ZNF143: variants seen among roughly 807,000 people sequenced by gnomAD.
ZNF143 encodes the protein zinc finger protein 143, also known as SPH-binding factor.
Under a neutral mutation model 74.1 loss-of-function variants are expected in ZNF143, and 49 were observed. The ratio of observed to expected loss-of-function variants is 0.66; its 90% CI spans 0.53 to 0.84. The LOEUF is 0.84. ZNF143 is among the 40% of genes least tolerant of loss of function. ZNF143 has a pLI of 0.00. For missense variants in ZNF143, 637 were observed against 793.4 expected, an observed-to-expected ratio of 0.80 and a Z score of 2.37; for synonymous variants, 304 against 282.8, an observed-to-expected ratio of 1.07 and a Z score of -0.75.
At chr11:9,491,756 A>G (rs1345628569) in intron 7 of ZNF143, among the ~76,000 whole-genome samples, 2 of 152,122 alleles carry the variant, frequency 1.3e-5, no homozygotes, top group Admixed American at 1.3e-4. Flanking sequence ...CAGTCCTCTG[A>G]GTAGCTGGAA....
intron 1 of ZNF143, among the ~76,000 whole-genome samples, chr11:9,467,561 A>ATGGC (rs1275906458): frequency 4.6e-5 from 7 of 152,134 alleles, no homozygotes; most frequent in African/African-American, 1.7e-4. Context: ...GGTGAAAATC[A>ATGGC]TGGCTGGCTG....
intron 14 of ZNF143, among the ~76,000 whole-genome samples, chr11:9,522,265 A>T (rs926813011): frequency 6.6e-6 from 1 of 152,134 alleles, no homozygotes; most frequent in Non-Finnish European, 1.5e-5. Context: ...GCACTTTGGG[A>T]GGCTGAGGCA....
chr11:9,489,268 C>T (rs543006189), intron 7 of ZNF143, among the ~76,000 whole-genome samples: 2 of 152,262 alleles, frequency 1.3e-5, no homozygotes, highest in East Asian at 3.9e-4. Context: ...TTATAATTCT[C>T]TTAGCATGCC....
intron 7 of ZNF143, among the ~76,000 whole-genome samples, chr11:9,486,919 C>T (rs1230024523): frequency 1.5e-4 from 22 of 149,554 alleles, no homozygotes; most frequent in African/African-American, 5.3e-4. Flanking sequence ...CCACCTGCCT[C>T]AGCCTCCCAA....
chr11:9,502,133 T>C (rs1325496604), intron 11 of ZNF143, among the ~76,000 whole-genome samples: 2 of 149,526 alleles, frequency 1.3e-5, no homozygotes, highest in African/African-American at 4.9e-5. Context: ...ACGGGGTTTC[T>C]CCATGTTGGT....
chr11:9,527,211 A>G (rs576223816), intron 15 of ZNF143, among the ~76,000 whole-genome samples: 10 of 152,302 alleles, frequency 6.6e-5, no homozygotes, highest in Non-Finnish European at 1.0e-4. Context: ...GGCTCAAGCA[A>G]TCTGCCTGCC....
intron 1 of ZNF143, among the ~76,000 whole-genome samples, chr11:9,466,244 G>A (rs61876793): frequency 3.5e-5 from 5 of 144,908 alleles, no homozygotes; most frequent in Middle Eastern, 4.2e-3. Flanking sequence ...CAGCCTCCCA[G>A]AGTGCTGGGA....
chr11:9,492,511 TG>T (rs773930352), intron 7 of ZNF143, among the ~76,000 whole-genome samples: 11 of 152,170 alleles, frequency 7.2e-5, no homozygotes, highest in South Asian at 2.1e-4. Flanking sequence ...CCTCCCAAAG[TG>T]CTGAGATTAC....
At chr11:9,521,110 G>A (rs968656900) in intron 14 of ZNF143, among the ~76,000 whole-genome samples, 1 of 152,062 alleles carries the variant, frequency 6.6e-6, no homozygotes, top group African/African-American at 2.4e-5. Context: ...CCCACCAGAG[G>A]AACACGTTTG....
At chr11:9,462,111 TAAG>T (rs756001507) in intron 1 of ZNF143, 1 of 152,210 alleles carries the variant, frequency 6.6e-6, no homozygotes, top group Non-Finnish European at 1.5e-5. Context: ...AATAACGTGA[TAAG>T]GAGATCACTC....
chr11:9,461,184 C>T, intron 1 of ZNF143, 108 bp downstream of exon 1: 1 of 679,322 alleles, frequency 1.5e-6, no homozygotes. Context: ...GCTCCCGCTG[C>T]TCAGCCTCCG....
At chr11:9,474,836 C>G (rs968281372) in intron 5 of ZNF143, among the ~76,000 whole-genome samples, 3 of 152,198 alleles carry the variant, frequency 2.0e-5, no homozygotes, top group African/African-American at 7.2e-5. Context: ...GAACAGCAAA[C>G]CAAATGACTG....
At chr11:9,510,820 TATA>T (rs1484215876) in intron 12 of ZNF143, among the ~76,000 whole-genome samples, 2 of 152,150 alleles carry the variant, frequency 1.3e-5, no homozygotes, top group African/African-American at 2.4e-5. Context: ...GGTTGACAAT[TATA>T]GTAGTAATGG....
intron 12 of ZNF143, 97 bp downstream of exon 12, chr11:9,508,943 G>T (rs1848451233): frequency 8.0e-7 from 1 of 1,247,054 alleles, no homozygotes; most frequent in South Asian, 1.4e-5. Flanking sequence ...ATCCTAATGT[G>T]TCATTCGTAT....
intron 11 of ZNF143, among the ~76,000 whole-genome samples, chr11:9,504,384 G>T (rs569281450): frequency 7.9e-6 from 1 of 126,744 alleles, no homozygotes. Context: ...ACTTTAATTC[G>T]AGAGACTTGA....
At chr11:9,485,406 G>A (rs1044945154) in intron 7 of ZNF143, among the ~76,000 whole-genome samples, 5 of 136,668 alleles carry the variant, frequency 3.7e-5, no homozygotes, top group Non-Finnish European at 7.6e-5. Context: ...GGAGTACAGT[G>A]GCACAATCTT....
rs545959520 is a variant in ZNF143, at chr11:9,488,877, A to G, written c.646-5769A>G. On this transcript the variant is annotated intron_variant, in intron 7 of 15. Transcript: ENST00000396602. ...AATAGAATAAGAAGGTAGTAGTGCA[A>G]AGCAGGTTCCAAATAGAAAAAAAAA... 3.1e-3 allele frequency among the ~76,000 whole-genome samples: 465 copies of G among 152,284 alleles called. 3 individuals carry two copies. Among genetic ancestry groups the G allele is most frequent in the African/African-American group, 0.011 (447 of 41,564 alleles).
At chr11:9,497,510 C>T (rs141806777) in intron 9 of ZNF143, among the ~76,000 whole-genome samples, 165 bp from the exon 10 acceptor site, 45 of 152,278 alleles carry the variant, frequency 3.0e-4, no homozygotes, top group African/African-American at 1.1e-3. Flanking sequence ...GGGGTACAGG[C>T]GTGAGCCACC....
At chr11:9,464,543 G>A (rs937706675) in intron 1 of ZNF143, among the ~76,000 whole-genome samples, 1 of 152,062 alleles carries the variant, frequency 6.6e-6, no homozygotes, top group Non-Finnish European at 1.5e-5. Flanking sequence ...GGAGGTTGCA[G>A]TGAGCTGAGA....
Sources: allele counts gnomAD v4.1 joint callset (sites outside exome capture counted in the v4.1 genomes callset), GRCh38; gene constraint gnomAD v4.1.1; transcripts MANE v1.5; gene names NCBI Gene and HGNC (gene_info 2026-07-23, HGNC 2026-07-21).